Variants in CFAP61 observed in about 807,000 individuals in gnomAD.
The protein encoded by CFAP61 is cilia and flagella associated protein 61, also known as cilia- and flagella-associated protein 61.
In CFAP61, 107 loss-of-function variants were observed where a neutral mutation model predicts 135.6. That is an observed-to-expected ratio of 0.79 (90% CI 0.67 to 0.93). The LOEUF (loss-of-function observed/expected upper bound fraction) is 0.93, where lower values mean the gene tolerates loss of function less well. Among genes scored for constraint, CFAP61 ranks in the 40% least tolerant of loss-of-function variants. The pLI is 0.00. For synonymous variants in CFAP61, 575 were observed against 578.5 expected, an observed-to-expected ratio of 0.99 and a Z score of 0.09; for missense variants, 1,507 against 1,556.2, an observed-to-expected ratio of 0.97 and a Z score of 0.53.
At chr20:20,350,188 A>C (rs1313822496) in intron 26 of CFAP61, among the ~76,000 whole-genome samples, 1 of 152,242 alleles carries the variant, frequency 6.6e-6, no homozygotes. Context: ...CAAGGGGGGA[A>C]ATAGTGAAGA....
At position 20,123,971 on chromosome 20, in the gene CFAP61, GTTTTTTTT is replaced by G. The variant is rs35528584; in HGVS notation, c.860-18871_860-18864del. ...CCTTCTTGGTTATGTATATTCCTAA[GTTTTTTTT>G]TTTTTTTTTTTTTTGCATGCTATTA... On this transcript the variant is annotated intron_variant, in intron 8 of 26. Transcript: ENST00000245957. Among the ~76,000 whole-genome samples the G allele has an allele frequency of 6.1e-5, 4 of 65,268 alleles. 1 individual carries two copies. Among genetic ancestry groups the G allele is most frequent in the African/African-American group, 1.2e-4 (2 of 16,640 alleles). 42.8% of individuals were successfully genotyped at this position (65,268 alleles called of 152,430 possible).
intron 22 of CFAP61, among the ~76,000 whole-genome samples, chr20:20,288,107 C>T (rs1215239481): frequency 7.4e-6 from 1 of 135,978 alleles, no homozygotes; most frequent in Admixed American, 7.3e-5. Flanking sequence ...TCCATCTTCT[C>T]TGGAGCATCA....
intron 17 of CFAP61, among the ~76,000 whole-genome samples, chr20:20,222,498 G>A (rs540380385): frequency 2.0e-5 from 3 of 152,138 alleles, no homozygotes; most frequent in Admixed American, 6.5e-5. Context: ...CACTTTTTCC[G>A]AAGTGCTGGA....
At chr20:20,182,598 T>C (rs1366552877) in intron 13 of CFAP61, among the ~76,000 whole-genome samples, 1 of 152,222 alleles carries the variant, frequency 6.6e-6, no homozygotes. Context: ...ATATTTGTGA[T>C]GGAGTGAATG....
chr20:20,352,106 G>C (rs2058856911), intron 26 of CFAP61, among the ~76,000 whole-genome samples: 1 of 152,204 alleles, frequency 6.6e-6, no homozygotes, highest in Admixed American at 6.5e-5. Context: ...TTGACTCACA[G>C]TTCCATATGG....
At chr20:20,266,314 G>A (rs536773927) in intron 21 of CFAP61, among the ~76,000 whole-genome samples, 19 of 152,268 alleles carry the variant, frequency 1.2e-4, no homozygotes, top group African/African-American at 4.3e-4. Flanking sequence ...TTCCAGAACT[G>A]CATTTTGAAA....
At chr20:20,123,660 G>A (rs769163126) in intron 8 of CFAP61, among the ~76,000 whole-genome samples, 11 of 150,596 alleles carry the variant, frequency 7.3e-5, no homozygotes, top group Non-Finnish European at 1.6e-4. Context: ...CTGTTTTGGT[G>A]GTGTGATGCC....
rs545208670 is a variant in CFAP61, at chr20:20,233,279, A to G, written c.2060+4903A>G. On this transcript the variant is annotated intron_variant, in intron 18 of 26. Transcript: ENST00000245957. ...TGTCACTAATTAGGTGACTAATTAA[A>G]TAGTCAGTGCTTCCTTGCTGATCTC... 3.5e-4 allele frequency among the ~76,000 whole-genome samples: 53 copies of G among 152,276 alleles called. No homozygotes were observed. In the South Asian group the frequency reaches 6.0e-3, roughly 17 times the overall value.
chr20:20,137,559 G>A (rs1383863616), intron 8 of CFAP61, among the ~76,000 whole-genome samples: 1 of 152,122 alleles, frequency 6.6e-6, no homozygotes, highest in Non-Finnish European at 1.5e-5. Flanking sequence ...TACTACCAGG[G>A]TACTACTGAT....
At chr20:20,162,315 T>C (rs2053472477) in intron 10 of CFAP61, among the ~76,000 whole-genome samples, 1 of 152,150 alleles carries the variant, frequency 6.6e-6, no homozygotes, top group East Asian at 1.9e-4. Flanking sequence ...AAAGATAACA[T>C]ATTTACAGGT....
Position 20,158,081 on chromosome 20 carries a change from G to A in CFAP61, c.952-1289G>A, listed in dbSNP as rs980049606. The stretch of plus-strand genomic sequence containing the variant: ...ACAGGAAGGGGAATATCACACTCTG[G>A]GGACTGTGGTGGGGTGGGGGGAGGG... On this transcript the variant is annotated intron_variant, in intron 9 of 26. Transcript: ENST00000245957. 2.7e-4 allele frequency among the ~76,000 whole-genome samples: 40 copies of A among 150,204 alleles called. 1 individual carries two copies. The highest frequency in any genetic ancestry group is 1.2e-4 in the Non-Finnish European group (8 of 67,852).
chr20:20,351,663 A>C (rs940877260), intron 26 of CFAP61, among the ~76,000 whole-genome samples: 1 of 152,210 alleles, frequency 6.6e-6, no homozygotes, highest in Non-Finnish European at 1.5e-5. Flanking sequence ...CATCAAAAAA[A>C]ATATTTAGGA....
chr20:20,087,249 C>T (rs1600544604), intron 6 of CFAP61, among the ~76,000 whole-genome samples: 1 of 152,152 alleles, frequency 6.6e-6, no homozygotes, highest in Non-Finnish European at 1.5e-5. Context: ...AGGTACTGAG[C>T]ATAGTACTCA....
chr20:20,193,410 T>C (rs2056060498), intron 15 of CFAP61, among the ~76,000 whole-genome samples: 1 of 152,086 alleles, frequency 6.6e-6, no homozygotes, highest in African/African-American at 2.4e-5. Flanking sequence ...CATGGCTTTA[T>C]TTCTTTAATA....
chr20:20,292,633 G>A (rs922717736), intron 24 of CFAP61, among the ~76,000 whole-genome samples: 4 of 152,140 alleles, frequency 2.6e-5, no homozygotes, highest in Non-Finnish European at 5.9e-5. Flanking sequence ...TACTAAATCC[G>A]AAAGCTTGTT....
intron 3 of CFAP61, among the ~76,000 whole-genome samples, chr20:20,073,658 T>G (rs923115148): frequency 1.3e-5 from 2 of 152,180 alleles, no homozygotes; most frequent in African/African-American, 2.4e-5. Flanking sequence ...TTAGGCCACT[T>G]TAAAAGTCTC....
intron 17 of CFAP61, among the ~76,000 whole-genome samples, chr20:20,208,691 C>G (rs1312933792): frequency 6.6e-6 from 1 of 152,222 alleles, no homozygotes; most frequent in Non-Finnish European, 1.5e-5. Context: ...GCAGGAGATG[C>G]CATCCTCTAG....
At chr20:20,255,170 G>A (rs2051426952) in intron 20 of CFAP61, among the ~76,000 whole-genome samples, 1 of 152,108 alleles carries the variant, frequency 6.6e-6, no homozygotes, top group Non-Finnish European at 1.5e-5. Context: ...TCCTTCTCCA[G>A]CCCTCCAATC....
intron 6 of CFAP61, among the ~76,000 whole-genome samples, chr20:20,077,629 T>C (rs547005702): frequency 1.6e-4 from 24 of 152,308 alleles, no homozygotes; most frequent in African/African-American, 4.6e-4. Context: ...TAGGGAGATA[T>C]AAGACACAAA....
Sources: allele counts gnomAD v4.1 joint callset (sites outside exome capture counted in the v4.1 genomes callset), GRCh38; gene constraint gnomAD v4.1.1; transcripts MANE v1.5; gene names NCBI Gene and HGNC (gene_info 2026-07-23, HGNC 2026-07-21).